The following RIMKLB variants were observed in gnomAD, a reference collection of about 807,000 sequenced individuals.
RIMKLB encodes ribosomal modification protein rimK like family member B, also known as beta-citrylglutamate synthase B.
RIMKLB carries 7 observed loss-of-function variants against 32.0 expected under a neutral mutation model. The ratio of observed to expected loss-of-function variants is 0.22; its 90% CI spans 0.12 to 0.41. RIMKLB has a LOEUF of 0.41. RIMKLB is among the 10% of genes least tolerant of loss of function. The pLI is 1.00. For missense variants in RIMKLB, 289 were observed against 498.7 expected (o/e 0.58, Z 4.00); for synonymous variants, 172 against 185.1 (o/e 0.93, Z 0.57).
intron 2 of RIMKLB, among the ~76,000 whole-genome samples, chr12:8,734,670 G>T (rs1218633306): frequency 6.6e-6 from 1 of 152,036 alleles, no homozygotes; most frequent in Non-Finnish European, 1.5e-5. Flanking sequence ...ATGTTGTCAT[G>T]TTTTACTTGC....
chr12:8,769,615 A>T (rs12307497), intron 5 of RIMKLB, among the ~76,000 whole-genome samples: 5,006 of 151,990 alleles, frequency 0.033, 278 homozygotes, highest in African/African-American at 0.11. Context: ...GTAAGGTACC[A>T]TTTTATTTTC....
intron 2 of RIMKLB, among the ~76,000 whole-genome samples, chr12:8,716,435 T>C (rs1273027041): frequency 6.7e-6 from 1 of 148,890 alleles, no homozygotes; most frequent in African/African-American, 2.4e-5. Context: ...ACATGTCTTT[T>C]TTTTTTTTTT....
In RIMKLB at chr12:8,713,999, G is replaced by A; in HGVS notation, c.133G>A (p.Val45Met). The A allele has an allele frequency of 1.2e-6, 2 of 1,614,120 alleles. No individual in the cohort carries two copies. Among genetic ancestry groups the A allele is most frequent in the Non-Finnish European group, 1.7e-6 (2 of 1,180,012 alleles). The change falls in exon 2 of 6, where the codon GTG becomes ATG. Residue 45 changes from valine (V) to methionine (M), a missense_variant. Transcript: ENST00000535829. ...GGAGGAACTGGACTTTAGGGCTGTGGTGATGGATGAGGTGGTGCTGACAAT... is the reference window on the plus strand; with the variant it reads ...GGAGGAACTGGACTTTAGGGCTGTGATGATGGATGAGGTGGTGCTGACAAT... ...CEEELDFRAV[V>M]MDEVVLTIEQ...
intron 2 of RIMKLB, among the ~76,000 whole-genome samples, chr12:8,732,192 G>T (rs943250399): frequency 9.2e-5 from 14 of 152,042 alleles, no homozygotes; most frequent in Non-Finnish European, 2.1e-4. Flanking sequence ...ATGGGCACAG[G>T]TCTGTATAAT....
At chr12:8,732,777 ACACACT>A (rs1461886277) in intron 2 of RIMKLB, among the ~76,000 whole-genome samples, 38 of 151,534 alleles carry the variant, frequency 2.5e-4, no homozygotes, top group African/African-American at 8.8e-4. Flanking sequence ...ACACACACAC[ACACACT>A]CTCTTTAATT....
At chr12:8,737,643 TC>T (rs989151178) in intron 2 of RIMKLB, among the ~76,000 whole-genome samples, 2 of 152,116 alleles carry the variant, frequency 1.3e-5, no homozygotes, top group Non-Finnish European at 2.9e-5. Context: ...AAATGGATTT[TC>T]CCCCCCTCAT....
rs1445737752 is a variant in RIMKLB at position 8,715,228 on chromosome 12, C to CCTTTTTTTTTTT, written c.175+1187_175+1188insCTTTTTTTTTTT. On this transcript the variant is annotated intron_variant, in intron 2 of 5. Coordinates refer to ENST00000535829, the MANE Select transcript of RIMKLB (RefSeq NM_001297776.2). The stretch of plus-strand genomic sequence containing the variant: ...GCTTAAATGGATAAGTGCTCTTGTT[C>CCTTTTTTTTTTT]TTTTTTTTTTTTTTTTTTGGAGACA... Among the ~76,000 whole-genome samples, 219 of 123,592 alleles carry CCTTTTTTTTTTT rather than the reference C, an allele frequency of 1.8e-3. 4 individuals are homozygous for CCTTTTTTTTTTT. The highest frequency in any genetic ancestry group is 6.9e-3 in the African/African-American group (209 of 30,182). 81.1% of individuals were successfully genotyped at this position (123,592 alleles called of 152,430 possible). A position where few individuals can be genotyped will look rare whatever the true frequency, so the allele number is the denominator to read the frequency against.
chr12:8,768,624 G>A (rs1189316622), intron 5 of RIMKLB, among the ~76,000 whole-genome samples: 3 of 152,208 alleles, frequency 2.0e-5, no homozygotes, highest in Middle Eastern at 3.4e-3. Context: ...AAGTAACATT[G>A]GAATAAAGGA....
chr12:8,671,477 C>A, the RIMKLB span, among the ~76,000 whole-genome samples: 4 of 152,044 alleles, frequency 2.6e-5, no homozygotes, highest in African/African-American at 9.7e-5. Context: ...CTTGAACTCC[C>A]AACCTCAGGT....
chr12:8,765,721 T>A (rs1404955641), intron 5 of RIMKLB, among the ~76,000 whole-genome samples: 1 of 152,148 alleles, frequency 6.6e-6, no homozygotes, highest in Admixed American at 6.5e-5. Context: ...TGTTTACCCC[T>A]TTGTCTATCT....
chr12:8,725,478 A>G (rs1188532052), intron 2 of RIMKLB, among the ~76,000 whole-genome samples: 1 of 152,020 alleles, frequency 6.6e-6, no homozygotes, highest in South Asian at 2.1e-4. Context: ...AGATTTTGCC[A>G]TGTTGGCCAG....
At chr12:8,763,115 C>G (rs1156919525) in intron 5 of RIMKLB, among the ~76,000 whole-genome samples, 1 of 152,192 alleles carries the variant, frequency 6.6e-6, no homozygotes, top group Non-Finnish European at 1.5e-5. Flanking sequence ...GATCTCTTCC[C>G]TGTATTATTT....
Position 8,757,335 on chromosome 12 carries a change from C to T in RIMKLB, c.697+3242C>T, listed in dbSNP as rs541462051. ...TTGAGCCCTGAGGTTTGAGACCAGC[C>T]TGAACAATGTAGAGAGACCCCATCT... On this transcript the variant is annotated intron_variant, in intron 5 of 5. Transcript: ENST00000535829. Among the ~76,000 whole-genome samples, 100 of 151,946 alleles carry T rather than the reference C, an allele frequency of 6.6e-4. 1 individual carries two copies. Among genetic ancestry groups the T allele is most frequent in the Admixed American group, 4.6e-4 (7 of 15,242 alleles).
chr12:8,757,661 T>C (rs994695184), intron 5 of RIMKLB, among the ~76,000 whole-genome samples: 3 of 152,232 alleles, frequency 2.0e-5, no homozygotes, highest in Non-Finnish European at 2.9e-5. Flanking sequence ...TAATGTACTT[T>C]TAGTTCTTCT....
chr12:8,732,252 G>A (rs1230159012), intron 2 of RIMKLB, among the ~76,000 whole-genome samples: 1 of 152,034 alleles, frequency 6.6e-6, no homozygotes, highest in Admixed American at 6.6e-5. Flanking sequence ...TACTTAGCAG[G>A]TGATTCCTAC....
chr12:8,691,427 G>A (rs1436222787), intron 1 of RIMKLB, among the ~76,000 whole-genome samples: 2 of 151,968 alleles, frequency 1.3e-5, no homozygotes, highest in African/African-American at 2.4e-5. Context: ...TGGGCAACAT[G>A]GTGAGACCCC....
chr12:8,720,660 C>A (rs776408276), intron 2 of RIMKLB, among the ~76,000 whole-genome samples: 1 of 152,282 alleles, frequency 6.6e-6, no homozygotes, highest in African/African-American at 2.4e-5. Flanking sequence ...CTGCCTCAGC[C>A]TCCCGAGTAG....
intron 2 of RIMKLB, among the ~76,000 whole-genome samples, chr12:8,738,133 A>G (rs192922163): frequency 2.6e-3 from 397 of 152,218 alleles, no homozygotes; most frequent in Non-Finnish European, 4.6e-3. Flanking sequence ...GCCTCGACCT[A>G]CCTGGCCTCA....
intron 5 of RIMKLB, among the ~76,000 whole-genome samples, chr12:8,762,285 T>A (rs920089967): frequency 1.3e-5 from 2 of 152,202 alleles, no homozygotes; most frequent in African/African-American, 4.8e-5. Context: ...CCTTCTTTGG[T>A]GGCTAGCCAT....
Sources: gnomAD v4.1 joint callset for allele counts (sites outside exome capture counted in the v4.1 genomes callset) on GRCh38, gnomAD v4.1.1 for gene constraint, MANE v1.5 for transcripts, NCBI Gene and HGNC (gene_info 2026-07-23, HGNC 2026-07-21) for gene names.